Variants in FSIP2 observed in about 807,000 individuals in gnomAD.
The protein encoded by FSIP2 is fibrous sheath-interacting protein 2.
A neutral mutation model predicts 510.5 loss-of-function variants in FSIP2; 367 were observed. The ratio of observed to expected loss-of-function variants is 0.72; its 90% CI spans 0.66 to 0.78. FSIP2 has a LOEUF of 0.78. Among genes scored for constraint, FSIP2 ranks in the 30% least tolerant of loss-of-function variants. FSIP2 has a pLI of 0.00. For missense variants in FSIP2, 7,594 were observed against 7,901.7 expected (o/e 0.96, Z 1.48); for synonymous variants, 2,601 against 2,732.2 (o/e 0.95, Z 1.50).
At chr2:185,762,057 G>T in intron 11 of FSIP2, 40 bp downstream of exon 11, 1 of 903,860 alleles carries the variant, frequency 1.1e-6, no homozygotes. Context: ...TCTGTTATTA[G>T]GCATGCAATT....
Position 185,803,453 on chromosome 2 carries a change from A to G in FSIP2, c.14147A>G (p.Asn4716Ser), listed in dbSNP as rs2105643982. 4.6e-6 allele frequency: 7 copies of G among 1,529,424 alleles called. No individual in the cohort carries two copies. The highest frequency in any genetic ancestry group is 1.7e-4 in the Middle Eastern group (1 of 5,932). 94.7% of individuals were successfully genotyped at this position (1,529,424 alleles called of 1,614,324 possible). ...LQEYEMEVVP[N>S]KDFLNDTKTL... is the part of the protein sequence containing the mutation. Reference sequence around the variant, plus strand: ...GAATATGAAATGGAAGTCGTGCCCAATAAAGATTTTCTAAATGACACAAAG... The same window carrying G: ...GAATATGAAATGGAAGTCGTGCCCAGTAAAGATTTTCTAAATGACACAAAG... Residue 4716 changes from asparagine (N) to serine (S), a missense_variant, in exon 17 of 23, where the codon AAT (asparagine) becomes AGT (serine). By Grantham distance (46) the Asn-to-Ser change is conservative. Coordinates refer to ENST00000424728, the MANE Select transcript of FSIP2 (RefSeq NM_173651.4).
intron 17 of FSIP2, among the ~76,000 whole-genome samples, chr2:185,809,890 T>C (rs1470072074): frequency 1.3e-5 from 2 of 152,068 alleles, no homozygotes; most frequent in African/African-American, 2.4e-5. Flanking sequence ...ATAATGTCCT[T>C]ATTACAAGGA....
At chr2:185,741,790 AG>A (rs1466830291) in intron 2 of FSIP2, among the ~76,000 whole-genome samples, 1 of 152,212 alleles carries the variant, frequency 6.6e-6, no homozygotes, top group African/African-American at 2.4e-5. Context: ...TTAAATGCAA[AG>A]GAAGAGCTAG....
Position 185,810,404 on chromosome 2 carries a change from CCTGCCTTCA to C in FSIP2, c.19827+1274_19827+1282del, listed in dbSNP as rs1693701976. Among the ~76,000 whole-genome samples, 3 of 151,964 alleles carry C rather than the reference CCTGCCTTCA, an allele frequency of 2.0e-5. No individual in the cohort carries two copies. The South Asian group carries it at 6.2e-4, about 32-fold the overall frequency. On this transcript the variant is annotated intron_variant, in intron 17 of 22. Coordinates refer to ENST00000424728, the MANE Select transcript of FSIP2 (RefSeq NM_173651.4). Reference sequence around the variant, plus strand: ...CCCAACACATACACATTATTTTTCTCCTGCCTTCACTTTGTGATGTGCCTGCACTTATTT... The same window carrying C: ...CCCAACACATACACATTATTTTTCTCCTTTGTGATGTGCCTGCACTTATTT...
intron 19 of FSIP2, among the ~76,000 whole-genome samples, chr2:185,815,923 T>C (rs1378231684): frequency 6.6e-6 from 1 of 151,976 alleles, no homozygotes; most frequent in East Asian, 1.9e-4. Flanking sequence ...TAGAAAGCAA[T>C]GGAGTTTGAC....
rs781672668 is a variant in FSIP2 at position 185,794,930 on chromosome 2, A to G, written c.7794A>G (p.Arg2598=). ...KQAGKISNSP[R]YAISQAYSYV... is the part of the protein sequence containing the mutation. ...CAGGAAAAATAAGTAATTCCCCTAG[A>G]TATGCGATATCACAGGCTTATTCTT... is the stretch of plus-strand genomic sequence containing the variant. Residue 2598 remains arginine, a synonymous_variant, in exon 16 of 23, where the codon AGA becomes AGG. Transcript: ENST00000424728. The G allele has an allele frequency of 2.9e-5, 45 of 1,533,840 alleles. No individual in the cohort carries two copies. Among genetic ancestry groups the G allele is most frequent in the Non-Finnish European group, 3.8e-5 (44 of 1,145,286 alleles).
chr2:185,794,571 GA>G lies in FSIP2; in HGVS notation c.7440del (p.Gly2481ValfsTer11). 6.5e-7 allele frequency: 1 copy of G among 1,531,040 alleles called. No individual in the cohort carries two copies. Among genetic ancestry groups the G allele is most frequent in the African/African-American group, 1.4e-5 (1 of 72,774 alleles). 94.8% of individuals were successfully genotyped at this position (1,531,040 alleles called of 1,614,324 possible). The part of the protein sequence containing the change: ...FMRNGESKNK[E>X]KGELLIAVEE... ...GAGAAATGGAGAATCAAAAAACAAA[GA>G]AAAAGGTGAACTGCTCATTGCAGTG... On this transcript the variant is annotated frameshift_variant, in exon 16 of 23. Transcript: ENST00000424728. LOFTEE classifies it high-confidence loss of function.
At chr2:185,749,144 A>G (rs913151051) in intron 7 of FSIP2, among the ~76,000 whole-genome samples, 2 of 151,920 alleles carry the variant, frequency 1.3e-5, no homozygotes, top group African/African-American at 4.8e-5. Context: ...TTGTATTTCC[A>G]TATAAATTAT....
chr2:185,816,463 A>C (rs1693827853), intron 19 of FSIP2, among the ~76,000 whole-genome samples: 1 of 151,986 alleles, frequency 6.6e-6, no homozygotes, highest in Admixed American at 6.6e-5. Flanking sequence ...TGGAAACAAA[A>C]CATAAGCAAC....
chr2:185,765,245 G>A (rs1488386288), intron 13 of FSIP2: 1 of 152,002 alleles, frequency 6.6e-6, no homozygotes, highest in South Asian at 2.1e-4. Context: ...CTTGATATGT[G>A]TATATACAGT....
Position 185,801,370 on chromosome 2 carries a change from C to T in FSIP2, c.12064C>T (p.Gln4022Ter). ...TGTAGTGAATGAATTTAATAATGCT[C>T]AAGTCACTGTTCTACGGAATGCTGA... ...NNVVNEFNNA[Q>*]VTVLRNAEER... The change falls in exon 17 of 23, where the codon CAA becomes TAA. Residue 4022 changes from glutamine (Q) to a stop codon, truncating the protein, a stop_gained. Transcript: ENST00000424728. LOFTEE classifies it high-confidence loss of function. The T allele has an allele frequency of 2.0e-6, 3 of 1,534,002 alleles. No individual in the cohort carries two copies. The highest frequency in any genetic ancestry group is 1.2e-5 in the South Asian group (1 of 84,000).
intron 18 of FSIP2, among the ~76,000 whole-genome samples, chr2:185,815,105 C>T (rs549834842): frequency 3.9e-5 from 6 of 151,992 alleles, no homozygotes; most frequent in East Asian, 3.9e-4. Context: ...GAAGAAAATT[C>T]GACTCTTTAA....
chr2:185,778,436 A>G (rs1692773986), intron 13 of FSIP2, among the ~76,000 whole-genome samples: 2 of 152,026 alleles, frequency 1.3e-5, no homozygotes, highest in Admixed American at 6.5e-5. Context: ...AAAACTTGCA[A>G]TATAATATTT....
intron 17 of FSIP2, 49 bp downstream of exon 17, chr2:185,809,182 T>G (rs771622790): frequency 6.7e-7 from 1 of 1,500,142 alleles, no homozygotes; most frequent in Non-Finnish European, 8.9e-7. Flanking sequence ...TGAGACATGG[T>G]TCTTCTGTGA....
intron 17 of FSIP2, 90 bp from the exon 18 acceptor site, chr2:185,813,455 A>G (rs1693774585): frequency 4.3e-6 from 3 of 700,512 alleles, no homozygotes; most frequent in Non-Finnish European, 2.2e-6. Flanking sequence ...TCAAAACTAG[A>G]AATTATAAGA....
chr2:185,791,434 T>C lies in FSIP2; in HGVS notation c.4298T>C (p.Leu1433Ser). The C allele has an allele frequency of 6.5e-7, 1 of 1,534,194 alleles. No individual in the cohort carries two copies. The change falls in exon 16 of 23, where the codon TTA becomes TCA. Residue 1433 changes from leucine to serine, a missense_variant. Leu to Ser is a moderately radical substitution (Grantham distance 145). Transcript: ENST00000424728. ...HIKENAKLQV[L>S]ERIGETLHEM... ...AAAGAGAATGCAAAATTGCAAGTGT[T>C]AGAAAGAATTGGGGAAACACTACAT... is the stretch of plus-strand genomic sequence containing the variant.
chr2:185,738,262 T>G (rs1574147487), upstream of FSIP2: 4 of 267,896 alleles, frequency 1.5e-5, no homozygotes, highest in South Asian at 4.0e-5. Flanking sequence ...GGCTGGATGG[T>G]TGAGGAGAAA....
At chr2:185,750,448 C>T (rs935854386) in intron 7 of FSIP2, among the ~76,000 whole-genome samples, 10 of 151,634 alleles carry the variant, frequency 6.6e-5, no homozygotes, top group Non-Finnish European at 1.5e-4. Context: ...TATTTCTAGA[C>T]TCTGGTGATG....
In FSIP2 at chr2:185,766,227, T is replaced by G. The variant is rs1389519654; in HGVS notation, c.1411+1662T>G. On this transcript the variant is annotated intron_variant, in intron 13 of 22. Coordinates refer to ENST00000424728, the MANE Select transcript of FSIP2 (RefSeq NM_173651.4). ...ACCATAAAAACCCTAGAAGAAAACC[T>G]AGGCATTACCATTCGGGACATAGGC... The G allele has an allele frequency of 5.1e-4, 78 of 151,792 alleles. 4 individuals carry two copies. Among genetic ancestry groups the G allele is most frequent in the Non-Finnish European group, 4.4e-5 (3 of 67,896 alleles). 9.4% of individuals were successfully genotyped at this position (151,792 alleles called of 1,614,324 possible). A position where few individuals can be genotyped will look rare whatever the true frequency, so the allele number is the denominator to read the frequency against.
Sources: allele counts gnomAD v4.1 joint callset (sites outside exome capture counted in the v4.1 genomes callset), GRCh38; gene constraint gnomAD v4.1.1; transcripts MANE v1.5; gene names NCBI Gene and HGNC (gene_info 2026-07-23, HGNC 2026-07-21).